Variants in IGSF9B observed in about 807,000 individuals in gnomAD.
IGSF9B encodes immunoglobulin superfamily member 9B, also known as protein turtle homolog B.
Under a neutral mutation model 143.7 loss-of-function variants are expected in IGSF9B, and 48 were observed. The observed-to-expected ratio is 0.33, with a 90% CI of 0.26 to 0.42. IGSF9B has a LOEUF of 0.42. Ranked by LOEUF, IGSF9B falls within the 20% of genes least tolerant of loss-of-function variation. IGSF9B has a pLI of 1.00. For missense variants in IGSF9B, 1,706 were observed against 1,980.0 expected (o/e 0.86, Z 2.63); for synonymous variants, 903 against 833.1 (o/e 1.08, Z -1.44).
At position 133,903,748 on chromosome 11, in the gene IGSF9B, AAAG is replaced by A. The variant is rs1436524224; in HGVS notation, c.*5318_*5320del. Among the ~76,000 whole-genome samples, 5 of 152,160 alleles carry A rather than the reference AAAG, an allele frequency of 3.3e-5. No homozygotes were observed. The highest frequency in any genetic ancestry group is 9.7e-5 in the African/African-American group (4 of 41,424). ...GGTGGGGTTATTATACTTGCTCCTG[AAAG>A]AAGGTTTTGAGAGTACAGACAGGAA... On this transcript the variant is annotated 3_prime_UTR_variant, in exon 20 of 20. Transcript: ENST00000533871.
At chr11:133,926,804 G>C in intron 13 of IGSF9B, 112 bp downstream of exon 13, 1 of 851,616 alleles carries the variant, frequency 1.2e-6, no homozygotes, top group Non-Finnish European at 1.8e-6. Context: ...CGGCTCTGTG[G>C]AGCACTCAGC....
At chr11:133,910,204 T>C (rs544930523) in intron 19 of IGSF9B, among the ~76,000 whole-genome samples, 7 of 152,284 alleles carry the variant, frequency 4.6e-5, no homozygotes, top group African/African-American at 1.4e-4. Context: ...TGTTTGTGTA[T>C]GTGCACACAC....
intron 18 of IGSF9B, chr11:133,919,131 G>GGGGGGGC: frequency 2.6e-6 from 1 of 380,798 alleles, no homozygotes; most frequent in Non-Finnish European, 5.3e-6. Flanking sequence ...GGGGGGGGTG[G>GGGGGGGC]GGGACGTGTC....
At chr11:133,940,687 T>C (rs1939937020) in intron 3 of IGSF9B, among the ~76,000 whole-genome samples, 1 of 125,282 alleles carries the variant, frequency 8.0e-6, no homozygotes, top group Admixed American at 8.9e-5. Flanking sequence ...GCACGTGTCA[T>C]CACATGCAAA....
chr11:133,956,677 G>A lies in IGSF9B; in HGVS notation c.64+14C>T, dbSNP rs1377070838. 2.0e-6 allele frequency: 3 copies of A among 1,527,072 alleles called. No homozygotes were observed. The highest frequency in any genetic ancestry group is 1.4e-5 in the African/African-American group (1 of 69,826). 94.6% of individuals were successfully genotyped at this position (1,527,072 alleles called of 1,614,324 possible). ...CCGGGAGGGGCAGGGGAGGGACGCC[G>A]CACTTCAACTCACCTTCAGCCGCAA... On this transcript the variant is annotated intron_variant, in intron 1 of 19. Transcript: ENST00000533871.
rs147235347 is a variant in IGSF9B, at chr11:133,904,390, C to T, written c.*4679G>A. ...CCCCAAAACAAATGAAGTTGAAATA[C>T]AATATAAAGAAGATGTCCATGTTTG... On this transcript the variant is annotated 3_prime_UTR_variant, in exon 20 of 20. Coordinates refer to ENST00000533871, the MANE Select transcript of IGSF9B (RefSeq NM_001277285.4). 5.9e-5 allele frequency among the ~76,000 whole-genome samples: 9 copies of T among 152,316 alleles called. No individual in the cohort carries two copies. Among genetic ancestry groups the T allele is most frequent in the Non-Finnish European group, 1.0e-4 (7 of 68,026 alleles).
Position 133,934,367 on chromosome 11 carries a change from C to T in IGSF9B, c.967+1250G>A, listed in dbSNP as rs539216354. On this transcript the variant is annotated intron_variant, in intron 7 of 19. Coordinates refer to ENST00000533871, the MANE Select transcript of IGSF9B (RefSeq NM_001277285.4). ...GGACGGGGCGCACCTTTGTGGTGGA[C>T]GGGTCTCTCCTTCCTGCAGCTCTTC... is the stretch of plus-strand genomic sequence containing the variant. Among the ~76,000 whole-genome samples the T allele has an allele frequency of 1.3e-4, 20 of 152,302 alleles. No individual in the cohort carries two copies. The South Asian group carries it at 2.5e-3, about 19-fold the overall frequency.
intron 1 of IGSF9B, among the ~76,000 whole-genome samples, chr11:133,951,643 A>G (rs1236444570): frequency 1.3e-5 from 2 of 151,694 alleles, no homozygotes; most frequent in African/African-American, 4.9e-5. Context: ...TCTCTGCTCC[A>G]CTCCTTTAAT....
In IGSF9B at chr11:133,902,528, C is replaced by A. The variant is rs1939154247; in HGVS notation, c.*6541G>T. 6.9e-6 allele frequency among the ~76,000 whole-genome samples: 1 copy of A among 145,852 alleles called. No homozygotes were observed. Among genetic ancestry groups the A allele is most frequent in the African/African-American group, 2.5e-5 (1 of 39,648 alleles). On this transcript the variant is annotated 3_prime_UTR_variant, in exon 20 of 20. Coordinates refer to ENST00000533871, the MANE Select transcript of IGSF9B (RefSeq NM_001277285.4). Reference sequence around the variant, plus strand: ...GCACACCACACACAGACATGCACACCACACACATATACCACACACACCACA... The same window carrying A: ...GCACACCACACACAGACATGCACACAACACACATATACCACACACACCACA...
At chr11:133,951,979 C>T (rs1173168309) in intron 1 of IGSF9B, 1 of 448,528 alleles carries the variant, frequency 2.2e-6, no homozygotes, top group Non-Finnish European at 4.5e-6. Flanking sequence ...CCCGCTCCAT[C>T]TCGGGGGCAC....
At chr11:133,938,079 G>A (rs935162415) in intron 3 of IGSF9B, 118 bp from the exon 4 acceptor site, 17 of 1,173,770 alleles carry the variant, frequency 1.4e-5, no homozygotes, top group Non-Finnish European at 1.9e-5. Flanking sequence ...AAGGACAAAG[G>A]AAGGAAGGTG....
At chr11:133,921,685 G>T (rs1349649352) in intron 17 of IGSF9B, among the ~76,000 whole-genome samples, 2 of 151,894 alleles carry the variant, frequency 1.3e-5, no homozygotes, top group Non-Finnish European at 2.9e-5. Flanking sequence ...TTACAGGTGT[G>T]AGCCGCCGCG....
intron 3 of IGSF9B, among the ~76,000 whole-genome samples, chr11:133,941,722 CTTTCCCGCCCAGCA>C (rs1156375721): frequency 2.6e-5 from 4 of 152,210 alleles, no homozygotes; most frequent in Non-Finnish European, 5.9e-5. Context: ...CCATCCCCAG[CTTTCCCGCCCAGCA>C]TTTCCCTATG....
At chr11:133,944,087 A>T in intron 3 of IGSF9B, 133 bp downstream of exon 3, 1 of 986,108 alleles carries the variant, frequency 1.0e-6, no homozygotes, top group Non-Finnish European at 1.5e-6. Flanking sequence ...TCATGGGACC[A>T]CAGCAACAAG....
Position 133,927,033 on chromosome 11 carries a change from G to A in IGSF9B, c.1690C>T (p.Pro564Ser), listed in dbSNP as rs1939640522. Residue 564 changes from proline to serine, a missense_variant, in exon 13 of 20, where the codon CCC (proline) becomes TCC (serine). Around this residue, in one of 7 missense-constraint regions of IGSF9B, gnomAD observed 267 missense variants for 321.1 expected, o/e 0.83. Transcript: ENST00000533871. ...DWLSLPVPPG[P>S]SWLLVDTLEP... ...AGGGTGTCCACCAGCAGCCAGCTGG[G>A]TCCTGGCGGCACTGGCAAGGACAGC... 1.3e-6 allele frequency: 2 copies of A among 1,566,992 alleles called. No individual in the cohort carries two copies. The highest frequency in any genetic ancestry group is 1.7e-6 in the Non-Finnish European group (2 of 1,156,132).
intron 1 of IGSF9B, among the ~76,000 whole-genome samples, chr11:133,951,139 A>G (rs1332310719): frequency 2.0e-5 from 3 of 152,078 alleles, no homozygotes; most frequent in African/African-American, 7.2e-5. Context: ...GGAAGGCGGG[A>G]CCCAAAGCAC....
Position 133,919,880 on chromosome 11 carries a change from T to C in IGSF9B, c.3845A>G (p.Tyr1282Cys). The change falls in exon 18 of 20, where the codon TAC becomes TGC. Residue 1282 changes from tyrosine to cysteine, a missense_variant. This residue lies in a region of IGSF9B where 880 missense variants were observed against 762.9 expected (regional missense o/e 1.15). Transcript: ENST00000533871. ...GGCGGGGCCGGGTGGAGGGGAAGGG[T>C]AGCCGGTGGCCAGAGTGGTGAAGCC... Reference protein sequence around the residue: ...AMGFTTLATGYPSPPPGPAPA... With the variant: ...AMGFTTLATGCPSPPPGPAPA... 1.9e-6 allele frequency: 3 copies of C among 1,579,600 alleles called. No individual in the cohort carries two copies. Among genetic ancestry groups the C allele is most frequent in the Non-Finnish European group, 2.6e-6 (3 of 1,161,640 alleles).
Position 133,907,256 on chromosome 11 carries a change from C to T in IGSF9B, c.*1813G>A, listed in dbSNP as rs890615881. Among the ~76,000 whole-genome samples, 7 of 152,144 alleles carry T rather than the reference C, an allele frequency of 4.6e-5. No individual in the cohort carries two copies. Among genetic ancestry groups the T allele is most frequent in the Non-Finnish European group, 8.8e-5 (6 of 68,032 alleles). On this transcript the variant is annotated 3_prime_UTR_variant, in exon 20 of 20. Transcript: ENST00000533871. ...CCTGGGTGAAAGGAAGGACCAGGGC[C>T]GGTGTGGCACAGAAGAAGTCCATCC...
Position 133,937,004 on chromosome 11 carries a change from A to G in IGSF9B, c.679+372T>C, listed in dbSNP as rs371285287. Among the ~76,000 whole-genome samples, 142 of 152,276 alleles carry G rather than the reference A, an allele frequency of 9.3e-4. 1 individual carries two copies. The highest frequency in any genetic ancestry group is 3.0e-3 in the African/African-American group (125 of 41,554). On this transcript the variant is annotated intron_variant, in intron 5 of 19. Coordinates refer to ENST00000533871, the MANE Select transcript of IGSF9B (RefSeq NM_001277285.4). Reference sequence around the variant, plus strand: ...TGTCTGGGGCTTGGATTGAGTTTCTATCTTTATTTATTGATGCCGTCACTA... The same window carrying G: ...TGTCTGGGGCTTGGATTGAGTTTCTGTCTTTATTTATTGATGCCGTCACTA...
Sources: allele counts gnomAD v4.1 joint callset (sites outside exome capture counted in the v4.1 genomes callset), GRCh38; gene constraint gnomAD v4.1.1; regional missense constraint gnomAD v4.1.1; transcripts MANE v1.5; gene names NCBI Gene and HGNC (gene_info 2026-07-23, HGNC 2026-07-21).